GPC5: variants seen among roughly 807,000 people sequenced by gnomAD.
GPC5 encodes the protein glypican-5.
In GPC5, 47 loss-of-function variants were observed where a neutral mutation model predicts 53.9. The ratio of observed to expected loss-of-function variants is 0.87; its 90% CI spans 0.69 to 1.11. GPC5 has a LOEUF of 1.11. Ranked by LOEUF, GPC5 falls within the 50% of genes most tolerant of loss-of-function variation. The pLI is 0.00. For synonymous variants in GPC5, 286 were observed against 263.3 expected (o/e 1.09, Z -0.84); for missense variants, 748 against 713.1 (o/e 1.05, Z -0.56).
chr13:92,144,235 A>G (rs1033264462), intron 6 of GPC5, among the ~76,000 whole-genome samples: 1 of 152,206 alleles, frequency 6.6e-6, no homozygotes, highest in Non-Finnish European at 1.5e-5. Context: ...AAGTCATTAA[A>G]TTTCTTAAAT....
intron 5 of GPC5, among the ~76,000 whole-genome samples, chr13:91,766,808 C>T (rs781032057): frequency 2.0e-5 from 3 of 151,918 alleles, no homozygotes; most frequent in Admixed American, 1.3e-4. Context: ...TGCAGTGAGC[C>T]GAGACTGCAC....
intron 7 of GPC5, among the ~76,000 whole-genome samples, chr13:92,521,447 G>T (rs1881043049): frequency 6.6e-6 from 1 of 152,156 alleles, no homozygotes; most frequent in South Asian, 2.1e-4. Flanking sequence ...CAATGGAACA[G>T]AACAGAGGCC....
intron 7 of GPC5, among the ~76,000 whole-genome samples, chr13:92,835,300 C>T (rs1220402015): frequency 6.6e-6 from 1 of 151,928 alleles, no homozygotes; most frequent in East Asian, 1.9e-4. Flanking sequence ...TTCTTTCTGA[C>T]TTCGATACCG....
intron 1 of GPC5, 140 bp from the exon 2 acceptor site, chr13:91,448,621 C>CT (rs1304577579): frequency 1.4e-6 from 1 of 738,978 alleles, no homozygotes; most frequent in Non-Finnish European, 2.1e-6. Flanking sequence ...AATAGATAAA[C>CT]TTTCTTATAG....
At position 91,879,684 on chromosome 13, in the gene GPC5, T is replaced by C. The variant is rs372299044; in HGVS notation, c.1281-28253T>C. On this transcript the variant is annotated intron_variant, in intron 5 of 7. Coordinates refer to ENST00000377067, the MANE Select transcript of GPC5 (RefSeq NM_004466.6). ...AGCGCCATCTCCAAAAACCCTCACA[T>C]TGGCGGTTAGCATTTCAACATATGA... is the stretch of plus-strand genomic sequence containing the variant. 1.6e-3 allele frequency among the ~76,000 whole-genome samples: 242 copies of C among 152,312 alleles called. 1 individual carries two copies. In the Middle Eastern group the frequency reaches 0.054, roughly 34 times the overall value.
intron 7 of GPC5, among the ~76,000 whole-genome samples, chr13:92,508,181 C>T (rs1374130216): frequency 6.6e-6 from 1 of 152,120 alleles, no homozygotes; most frequent in Non-Finnish European, 1.5e-5. Flanking sequence ...CCAGGATGGT[C>T]TTGATCCCAT....
At chr13:92,725,770 T>C (rs1424652397) in intron 7 of GPC5, among the ~76,000 whole-genome samples, 2 of 151,670 alleles carry the variant, frequency 1.3e-5, no homozygotes, top group East Asian at 3.9e-4. Context: ...TTATTAAACA[T>C]AGAATTTGAG....
At chr13:91,917,328 A>C (rs1222341371) in intron 6 of GPC5, among the ~76,000 whole-genome samples, 4 of 152,218 alleles carry the variant, frequency 2.6e-5, no homozygotes. Flanking sequence ...ACACTGATGC[A>C]AGAGGTGGGC....
At chr13:91,912,116 C>A (rs1486114519) in intron 6 of GPC5, among the ~76,000 whole-genome samples, 2 of 152,060 alleles carry the variant, frequency 1.3e-5, no homozygotes, top group Admixed American at 1.3e-4. Context: ...GACTGTAAGA[C>A]AATGGAATCA....
intron 7 of GPC5, among the ~76,000 whole-genome samples, chr13:92,171,620 A>G (rs774932393): frequency 6.6e-6 from 1 of 152,160 alleles, no homozygotes; most frequent in Non-Finnish European, 1.5e-5. Context: ...GACAATGTCA[A>G]TCTTCAGTTT....
At chr13:92,402,601 C>T (rs1403428716) in intron 7 of GPC5, among the ~76,000 whole-genome samples, 1 of 152,170 alleles carries the variant, frequency 6.6e-6, no homozygotes, top group Non-Finnish European at 1.5e-5. Context: ...CTCAGAACAT[C>T]AGGCATGGAA....
chr13:92,787,172 A>C (rs571565209), intron 7 of GPC5, among the ~76,000 whole-genome samples: 1 of 152,264 alleles, frequency 6.6e-6, no homozygotes, highest in South Asian at 2.1e-4. Flanking sequence ...AAGGAAAACT[A>C]AAAGTAAGTA....
chr13:92,780,872 TA>T (rs1279051597), intron 7 of GPC5, among the ~76,000 whole-genome samples: 1 of 152,060 alleles, frequency 6.6e-6, no homozygotes, highest in Non-Finnish European at 1.5e-5. Context: ...ATTGGAAGCA[TA>T]AAAAATTCCC....
chr13:92,724,875 T>G (rs200372372), intron 7 of GPC5, among the ~76,000 whole-genome samples: 1 of 137,668 alleles, frequency 7.3e-6, no homozygotes, highest in African/African-American at 2.7e-5. Context: ...GTCCTACACA[T>G]ACACACACAC....
chr13:92,340,530 C>T (rs376491854), intron 7 of GPC5: 1 of 152,162 alleles, frequency 6.6e-6, no homozygotes, highest in South Asian at 2.1e-4. Flanking sequence ...TGGCTTTGAA[C>T]CTAAATGTTA....
intron 5 of GPC5, among the ~76,000 whole-genome samples, chr13:91,791,452 G>T (rs1036656323): frequency 6.6e-6 from 1 of 152,148 alleles, no homozygotes; most frequent in South Asian, 2.1e-4. Flanking sequence ...CTACCTAGAA[G>T]CCAGCTTGTA....
chr13:92,571,898 G>T (rs1002637499), intron 7 of GPC5, among the ~76,000 whole-genome samples: 2 of 152,028 alleles, frequency 1.3e-5, no homozygotes, highest in Non-Finnish European at 2.9e-5. Flanking sequence ...AATTAAATGA[G>T]TTTGGTGGTG....
At position 92,866,357 on chromosome 13, in the gene GPC5, C is replaced by A. The variant is rs377004057; in HGVS notation, c.1637C>A (p.Thr546Lys). ...QTDTGSTLDT[T>K]GAGCAVATES... ...GACACTGGCAGTACTTTAGACACAA[C>A]AGGAGCAGGATGTGCAGTGGCGACT... Residue 546 changes from threonine to lysine, a missense_variant, in exon 8 of 8, where the codon ACA becomes AAA. Coordinates refer to ENST00000377067, the MANE Select transcript of GPC5 (RefSeq NM_004466.6). 66 of 1,613,142 alleles carry A rather than the reference C, an allele frequency of 4.1e-5. No individual in the cohort carries two copies. In the African/African-American group the frequency reaches 6.7e-4, roughly 16 times the overall value.
At chr13:91,478,881 T>TTCTATATATATATATA (rs562726720) in intron 2 of GPC5, among the ~76,000 whole-genome samples, 1 of 67,500 alleles carries the variant, frequency 1.5e-5, no homozygotes, top group African/African-American at 6.6e-5. Context: ...TATATACACA[T>TTCTATATATATATATA]TATATATATA....
Sources: gnomAD v4.1 joint callset for allele counts (sites outside exome capture counted in the v4.1 genomes callset) on GRCh38, gnomAD v4.1.1 for gene constraint, MANE v1.5 for transcripts, NCBI Gene and HGNC (gene_info 2026-07-23, HGNC 2026-07-21) for gene names.